The following SNX18 variants were observed in gnomAD, a reference collection of about 807,000 sequenced individuals.
The protein encoded by SNX18 is sorting nexin 18.
A neutral mutation model predicts 48.7 loss-of-function variants in SNX18; 35 were observed. That is an observed-to-expected ratio of 0.72 (90% CI 0.55 to 0.95). The LOEUF is 0.95. Ranked by LOEUF, SNX18 falls within the 40% of genes least tolerant of loss-of-function variation. The pLI, the probability that SNX18 is intolerant of heterozygous loss-of-function variation, is 0.00. For synonymous variants in SNX18, 492 were observed against 384.7 expected (o/e 1.28, Z -3.26); for missense variants, 824 against 871.0 (o/e 0.95, Z 0.68).
At chr5:54,558,221 T>C in the SNX18 span, among the ~76,000 whole-genome samples, 2 of 152,218 alleles carry the variant, frequency 1.3e-5, no homozygotes, top group Admixed American at 6.5e-5. Flanking sequence ...TCACCCTAAA[T>C]ATTTTTTAAA....
chr5:54,629,293 G>C, the SNX18 span, among the ~76,000 whole-genome samples: 1 of 152,186 alleles, frequency 6.6e-6, no homozygotes, highest in African/African-American at 2.4e-5. Context: ...GCTGCTTCTT[G>C]AATGTGGAGA....
the SNX18 span, among the ~76,000 whole-genome samples, chr5:54,647,724 A>G: frequency 6.6e-6 from 1 of 152,238 alleles, no homozygotes; most frequent in African/African-American, 2.4e-5. Context: ...CAAATTGAAC[A>G]GCAGGGGTTG....
Position 54,519,518 on chromosome 5 carries a change from A to G in SNX18, c.1566A>G (p.Leu522=). ...ACCTGGATCCCGTCATGGACCTATT[A>G]GCGCTGTATCAGGGGCATCTGGCTA... is the stretch of plus-strand genomic sequence containing the variant. ...RQDLDPVMDL[L]ALYQGHLANF... Residue 522 remains leucine, a synonymous_variant, in exon 1 of 2, where the codon TTA becomes TTG. Transcript: ENST00000381410. The G allele has an allele frequency of 6.2e-7, 1 of 1,614,172 alleles. No individual in the cohort carries two copies. Among genetic ancestry groups the G allele is most frequent in the Non-Finnish European group, 8.5e-7 (1 of 1,180,014 alleles).
the SNX18 span, among the ~76,000 whole-genome samples, chr5:54,600,763 T>C: frequency 6.6e-6 from 1 of 152,036 alleles, no homozygotes; most frequent in Non-Finnish European, 1.5e-5. Flanking sequence ...CACTTATAAC[T>C]GGGAGCTGAA....
At chr5:54,538,110 A>C (rs1424149719) in intron 1 of SNX18, among the ~76,000 whole-genome samples, 1 of 152,216 alleles carries the variant, frequency 6.6e-6, no homozygotes, top group Non-Finnish European at 1.5e-5. Context: ...ATAATTGTGA[A>C]GCCTGAAAAT....
At chr5:54,630,483 T>C in the SNX18 span, among the ~76,000 whole-genome samples, 14 of 152,076 alleles carry the variant, frequency 9.2e-5, no homozygotes, top group Non-Finnish European at 4.4e-5. Context: ...CTGGTCTGGA[T>C]CCCTTGATTC....
At chr5:54,586,377 C>A in the SNX18 span, among the ~76,000 whole-genome samples, 1 of 152,054 alleles carries the variant, frequency 6.6e-6, no homozygotes, top group Non-Finnish European at 1.5e-5. Flanking sequence ...GCAGAGCTGG[C>A]CATGGGGGCT....
At chr5:54,570,231 A>G in the SNX18 span, among the ~76,000 whole-genome samples, 343 of 152,338 alleles carry the variant, frequency 2.3e-3, no homozygotes, top group African/African-American at 7.7e-3. Flanking sequence ...GGCAAGAGAC[A>G]CTAAGGATTG....
the SNX18 span, among the ~76,000 whole-genome samples, chr5:54,590,239 C>G: frequency 2.6e-5 from 4 of 152,132 alleles, no homozygotes; most frequent in Admixed American, 2.6e-4. Flanking sequence ...GCTAGTAAGG[C>G]CAAAAGGAGT....
Position 54,518,871 on chromosome 5 carries a change from G to T in SNX18, c.919G>T (p.Val307Leu). The T allele has an allele frequency of 6.2e-7, 1 of 1,613,678 alleles. No individual in the cohort carries two copies. The highest frequency in any genetic ancestry group is 1.1e-5 in the South Asian group (1 of 91,044). The change falls in exon 1 of 2, where the codon GTG becomes TTG. Residue 307 changes from valine (V) to leucine (L), a missense_variant. Around this residue, in one of 3 missense-constraint regions of SNX18, gnomAD observed 443 missense variants for 503.6 expected, o/e 0.88. Transcript: ENST00000381410. The part of the protein sequence containing the change: ...SYKLVPTHTQ[V>L]PVHRRYKHFD... ...CAAGCTGGTGCCCACGCACACGCAG[G>T]TGCCGGTGCATCGGCGCTACAAGCA...
the SNX18 span, among the ~76,000 whole-genome samples, chr5:54,619,053 G>A: frequency 6.6e-6 from 1 of 152,112 alleles, no homozygotes; most frequent in Non-Finnish European, 1.5e-5. Context: ...AAATAATTAG[G>A]CATAGACAGG....
chr5:54,569,274 G>A, the SNX18 span, among the ~76,000 whole-genome samples: 1 of 152,084 alleles, frequency 6.6e-6, no homozygotes, highest in Non-Finnish European at 1.5e-5. Context: ...CACAGTTTCA[G>A]GTCAAACCTT....
At chr5:54,585,008 C>T in the SNX18 span, among the ~76,000 whole-genome samples, 2 of 152,126 alleles carry the variant, frequency 1.3e-5, no homozygotes, top group South Asian at 4.1e-4. Flanking sequence ...GGTAGGATCA[C>T]AGGCCAGGCA....
At chr5:54,625,701 C>A in the SNX18 span, among the ~76,000 whole-genome samples, 1 of 152,160 alleles carries the variant, frequency 6.6e-6, no homozygotes, top group Non-Finnish European at 1.5e-5. Flanking sequence ...CAGGAACCAA[C>A]GGAGGCCATC....
At position 54,541,184 on chromosome 5, in the gene SNX18, C is replaced by T. The variant is rs552301543; in HGVS notation, c.1622-1995C>T. Among the ~76,000 whole-genome samples, 232 of 152,118 alleles carry T rather than the reference C, an allele frequency of 1.5e-3. 2 individuals are homozygous for T. The highest frequency in any genetic ancestry group is 5.3e-3 in the African/African-American group (219 of 41,506). On this transcript the variant is annotated intron_variant, in intron 1 of 1. Coordinates refer to ENST00000381410, the MANE Select transcript of SNX18 (RefSeq NM_001102575.2). ...CTGGGATTACAGGTGCCCGCCACCA[C>T]GCCCGGCTAATTTTTGTATTTTTAG...
At chr5:54,636,283 A>AC in the SNX18 span, among the ~76,000 whole-genome samples, 1 of 152,064 alleles carries the variant, frequency 6.6e-6, no homozygotes, top group Non-Finnish European at 1.5e-5. Context: ...TACTGATATC[A>AC]CTTTTTCATT....
the SNX18 span, among the ~76,000 whole-genome samples, chr5:54,585,425 A>G: frequency 1.4e-5 from 2 of 141,636 alleles, no homozygotes; most frequent in Admixed American, 7.0e-5. Flanking sequence ...TATACTTATA[A>G]AGCAGCCTTT....
chr5:54,518,093 C>T lies in SNX18; in HGVS notation c.141C>T (p.Asp47=), dbSNP rs1174689447. 6.6e-7 allele frequency: 1 copy of T among 1,524,692 alleles called. No homozygotes were observed. Among genetic ancestry groups the T allele is most frequent in the East Asian group, 2.8e-5 (1 of 36,240 alleles). The allele number at this position is 1,524,692 out of a possible 1,614,324, so 94.4% of individuals were successfully genotyped here. Residue 47 remains aspartate, a synonymous_variant, in exon 1 of 2, where the codon GAC becomes GAT. Transcript: ENST00000381410. The part of the protein sequence containing the change: ...GWLEGVNSRG[D]RGLFPASYVQ... ...TCGAGGGGGTCAACAGCCGCGGCGA[C>T]CGCGGCCTCTTCCCGGCCTCCTATG... is the stretch of plus-strand genomic sequence containing the variant.
chr5:54,643,267 T>G, the SNX18 span, among the ~76,000 whole-genome samples: 136,516 of 152,218 alleles, frequency 0.9, 61,322 homozygotes, highest in East Asian at 0.93. Context: ...AGTATCCAGT[T>G]ATTGCTTTTT....
Sources: allele counts gnomAD v4.1 joint callset (sites outside exome capture counted in the v4.1 genomes callset), GRCh38; gene constraint gnomAD v4.1.1; regional missense constraint gnomAD v4.1.1; transcripts MANE v1.5; gene names NCBI Gene and HGNC (gene_info 2026-07-23, HGNC 2026-07-21).